The following JAK2 variants were observed in gnomAD, a reference collection of about 807,000 sequenced individuals.
JAK2 encodes tyrosine-protein kinase JAK2.
A neutral mutation model predicts 139.3 loss-of-function variants in JAK2; 86 were observed. The ratio of observed to expected loss-of-function variants is 0.62; its 90% CI spans 0.52 to 0.74. The LOEUF (loss-of-function observed/expected upper bound fraction) is 0.74, where lower values mean the gene tolerates loss of function less well. Among genes scored for constraint, JAK2 ranks in the 30% least tolerant of loss-of-function variants. JAK2 has a pLI of 0.00. For missense variants in JAK2, 1,421 were observed against 1,360.3 expected, an observed-to-expected ratio of 1.04 and a Z score of -0.70; for synonymous variants, 490 against 437.7, an observed-to-expected ratio of 1.12 and a Z score of -1.49.
Position 5,081,770 on chromosome 9 carries a change from T to C in JAK2, c.2480T>C (p.Ile827Thr), listed in dbSNP as rs1444681434. Reference protein sequence around the residue: ...TENDMLPNMRIGALGFSGAFE... With the variant: ...TENDMLPNMRTGALGFSGAFE... ...AATGACATGTTACCAAATATGAGGATAGGTGCCCTGGGGTTTTCTGGTGCC... is the reference window on the plus strand; with the variant it reads ...AATGACATGTTACCAAATATGAGGACAGGTGCCCTGGGGTTTTCTGGTGCC... Residue 827 changes from isoleucine to threonine, a missense_variant, in exon 19 of 25, where the codon ATA (isoleucine) becomes ACA (threonine). Transcript: ENST00000381652. The C allele has an allele frequency of 6.2e-7, 1 of 1,602,624 alleles. No homozygotes were observed. The highest frequency in any genetic ancestry group is 8.5e-7 in the Non-Finnish European group (1 of 1,169,626).
intron 2 of JAK2, among the ~76,000 whole-genome samples, chr9:5,021,131 C>G (rs916642682): frequency 1.3e-5 from 2 of 152,214 alleles, no homozygotes; most frequent in African/African-American, 4.8e-5. Context: ...TGTGCAGGCT[C>G]TCTAGGCTTC....
At position 5,021,738 on chromosome 9, in the gene JAK2, G is replaced by A. The variant is rs10974919; in HGVS notation, c.-25-225G>A. On this transcript the variant is annotated intron_variant, in intron 2 of 24. Coordinates refer to ENST00000381652, the MANE Select transcript of JAK2 (RefSeq NM_004972.4). ...CCTCCCAGGTTCAAGCAATTCTTCC[G>A]CTCCACTCCCAGAGTAGCTAGGACT... 0.28 allele frequency among the ~76,000 whole-genome samples: 42,566 copies of A among 152,016 alleles called. 6,171 individuals carry two copies. The highest frequency in any genetic ancestry group is 0.32 in the African/African-American group (13,268 of 41,428).
chr9:5,008,312 A>G (rs1465781214), intron 2 of JAK2, among the ~76,000 whole-genome samples: 1 of 152,198 alleles, frequency 6.6e-6, no homozygotes, highest in African/African-American at 2.4e-5. Flanking sequence ...CATGTGGTCT[A>G]CTTTCTAAAA....
At chr9:5,019,309 T>G (rs1476566805) in intron 2 of JAK2, among the ~76,000 whole-genome samples, 1 of 152,164 alleles carries the variant, frequency 6.6e-6, no homozygotes, top group East Asian at 1.9e-4. Context: ...CAGAAATTCT[T>G]TCTTCGTAGA....
intron 8 of JAK2, among the ~76,000 whole-genome samples, chr9:5,057,589 T>C (rs1489314486): frequency 6.7e-6 from 1 of 148,490 alleles, no homozygotes; most frequent in Non-Finnish European, 1.5e-5. Context: ...TCTTTTTTTT[T>C]TTTTTTTTTT....
intron 12 of JAK2, among the ~76,000 whole-genome samples, chr9:5,072,002 A>C (rs566747981): frequency 6.6e-6 from 1 of 152,180 alleles, no homozygotes; most frequent in Non-Finnish European, 1.5e-5. Context: ...GATCATAACA[A>C]TCCTATGGGA....
intron 19 of JAK2, among the ~76,000 whole-genome samples, chr9:5,082,245 T>C (rs928432596): frequency 6.6e-5 from 10 of 152,158 alleles, no homozygotes; most frequent in Admixed American, 5.2e-4. Flanking sequence ...GCAAGAGGAA[T>C]GCGGCAGGAG....
chr9:5,102,215 A>C (rs1397523788), intron 22 of JAK2, among the ~76,000 whole-genome samples: 1 of 152,198 alleles, frequency 6.6e-6, no homozygotes, highest in Non-Finnish European at 1.5e-5. Context: ...TGGAGCTGAA[A>C]ACCATGGCAT....
Position 5,077,589 on chromosome 9 carries a change from T to A in JAK2, c.1992+9T>A. 1 of 1,458,400 alleles carries A rather than the reference T, an allele frequency of 6.9e-7. No homozygotes were observed. Among genetic ancestry groups the A allele is most frequent in the Non-Finnish European group, 9.1e-7 (1 of 1,101,746 alleles). The allele number at this position is 1,458,400 out of a possible 1,614,324, so 90.3% of individuals were successfully genotyped here. On this transcript the variant is annotated intron_variant, in intron 15 of 24. Coordinates refer to ENST00000381652, the MANE Select transcript of JAK2 (RefSeq NM_004972.4). ...GGGCCATGCATTTTCTAGTAAGTAG[T>A]ACAACCTTTTTATCAAAAGATACTA...
At position 5,055,651 on chromosome 9, in the gene JAK2, A is replaced by C; in HGVS notation, c.937-18A>C. On this transcript the variant is annotated intron_variant, in intron 7 of 24. Transcript: ENST00000381652. The stretch of plus-strand genomic sequence containing the variant: ...GTAAATTCTACCCGTTTTTAATTTT[A>C]CATGCTTTTAATTATAGGATTTACA... 1 of 1,522,570 alleles carries C rather than the reference A, an allele frequency of 6.6e-7. No homozygotes were observed. The allele number at this position is 1,522,570 out of a possible 1,614,324, so 94.3% of individuals were successfully genotyped here. A position where few individuals can be genotyped will look rare whatever the true frequency, so the allele number is the denominator to read the frequency against.
Position 5,050,824 on chromosome 9 carries a change from T to A in JAK2, c.607T>A (p.Ser203Thr). 1 of 1,612,906 alleles carries A rather than the reference T, an allele frequency of 6.2e-7. No homozygotes were observed. Among genetic ancestry groups the A allele is most frequent in the Non-Finnish European group, 8.5e-7 (1 of 1,179,242 alleles). The change falls in exon 6 of 25, where the codon TCT (serine) becomes ACT (threonine). Residue 203 changes from serine to threonine, a missense_variant. Ser to Thr is a moderately conservative substitution (Grantham distance 58). Transcript: ENST00000381652. Reference sequence around the variant, plus strand: ...TCAAACCCCACTGGCCATCTATAACTCTATCAGGTAATTTTCTTTTGCAAA... The same window carrying A: ...TCAAACCCCACTGGCCATCTATAACACTATCAGGTAATTTTCTTTTGCAAA... ...NDQTPLAIYN[S>T]ISYKTFLPKC...
chr9:5,115,273 A>T (rs1178707780), intron 22 of JAK2, among the ~76,000 whole-genome samples: 2 of 152,196 alleles, frequency 1.3e-5, no homozygotes, highest in African/African-American at 4.8e-5. Flanking sequence ...CACTTCTCAA[A>T]AGAAGACATT....
chr9:5,006,676 C>A (rs1361043821), intron 2 of JAK2, among the ~76,000 whole-genome samples: 1 of 152,078 alleles, frequency 6.6e-6, no homozygotes, highest in Non-Finnish European at 1.5e-5. Flanking sequence ...ATTTAAATAA[C>A]CAGATCTCAT....
Position 5,114,250 on chromosome 9 carries a change from C to G in JAK2, c.3060-8754C>G. 3 of 537,582 alleles carry G rather than the reference C, an allele frequency of 5.6e-6. No individual in the cohort carries two copies. In the Admixed American group the frequency reaches 6.5e-5, roughly 12 times the overall value. 33.3% of individuals were successfully genotyped at this position (537,582 alleles called of 1,614,324 possible). On this transcript the variant is annotated intron_variant, in intron 22 of 24. Coordinates refer to ENST00000381652, the MANE Select transcript of JAK2 (RefSeq NM_004972.4). ...TTCATCCGCAAGTTGCCCACAATCA[C>G]CTGTCTGGTGGTGGACCTGGCACCC...
At chr9:5,074,634 C>T (rs1819190426) in intron 14 of JAK2, among the ~76,000 whole-genome samples, 1 of 152,212 alleles carries the variant, frequency 6.6e-6, no homozygotes, top group Non-Finnish European at 1.5e-5. Context: ...TCTCCCTCTC[C>T]TGGGGCCTCC....
intron 14 of JAK2, among the ~76,000 whole-genome samples, chr9:5,076,114 C>A (rs1379016521): frequency 1.3e-5 from 2 of 152,098 alleles, no homozygotes; most frequent in Non-Finnish European, 2.9e-5. Flanking sequence ...GGAGGAGTTG[C>A]TTCTTATGGA....
chr9:5,090,727 T>C lies in JAK2; in HGVS notation c.2887-12T>C, dbSNP rs773277041. 3 of 1,575,816 alleles carry C rather than the reference T, an allele frequency of 1.9e-6. No individual in the cohort carries two copies. Among genetic ancestry groups the C allele is most frequent in the Non-Finnish European group, 2.6e-6 (3 of 1,167,466 alleles). On this transcript the variant is annotated splice_polypyrimidine_tract_variant and intron_variant, in intron 21 of 24. Transcript: ENST00000381652. ...TATAAAACTAGCTGAAAGAAAAATGTTTTATCCATAGGGTATGGAGTATCT... is the reference window on the plus strand; with the variant it reads ...TATAAAACTAGCTGAAAGAAAAATGCTTTATCCATAGGGTATGGAGTATCT...
intron 22 of JAK2, chr9:5,098,720 G>C (rs544098561): frequency 3.3e-5 from 5 of 149,816 alleles, no homozygotes; most frequent in Admixed American, 2.0e-4. Context: ...TTGAGACAGA[G>C]TCTCGCTCTG....
Position 5,022,042 on chromosome 9 carries a change from A to G in JAK2, c.55A>G (p.Ile19Val), listed in dbSNP as rs150159583. The change falls in exon 3 of 25, where the codon ATA (isoleucine) becomes GTA (valine). Residue 19 changes from isoleucine (I) to valine (V), a missense_variant. By Grantham distance (29) the Ile-to-Val change is conservative. Coordinates refer to ENST00000381652, the MANE Select transcript of JAK2 (RefSeq NM_004972.4). ...AATGGAGGGAACATCCACCTCTTCT[A>G]TATATCAGAATGGTGATATTTCTGG... The part of the protein sequence containing the change: ...TEMEGTSTSS[I>V]YQNGDISGNA... 34 of 1,614,192 alleles carry G rather than the reference A, an allele frequency of 2.1e-5. 1 individual carries two copies. The Admixed American group carries it at 2.8e-4, about 13-fold the overall frequency.
Sources: allele counts gnomAD v4.1 joint callset (sites outside exome capture counted in the v4.1 genomes callset), GRCh38; gene constraint gnomAD v4.1.1; transcripts MANE v1.5; gene names NCBI Gene and HGNC (gene_info 2026-07-23, HGNC 2026-07-21).